The following CNTNAP5 variants were observed in gnomAD, a reference collection of about 807,000 sequenced individuals.
CNTNAP5 encodes contactin associated protein family member 5.
In CNTNAP5, 72 loss-of-function variants were observed where a neutral mutation model predicts 150.2. The observed-to-expected ratio is 0.48, with a 90% CI of 0.40 to 0.58. CNTNAP5 has a LOEUF of 0.58. Ranked by LOEUF, CNTNAP5 falls within the 20% of genes least tolerant of loss-of-function variation. The pLI is 0.00. For missense variants in CNTNAP5, 1,636 were observed against 1,626.2 expected (o/e 1.01, Z -0.10); for synonymous variants, 672 against 619.8 (o/e 1.08, Z -1.25).
chr2:124,825,314 A>T (rs11886397), intron 19 of CNTNAP5, among the ~76,000 whole-genome samples: 2 of 151,924 alleles, frequency 1.3e-5, no homozygotes, highest in African/African-American at 4.9e-5. Context: ...TTAGATTTTT[A>T]TCATCTCCAA....
intron 1 of CNTNAP5, among the ~76,000 whole-genome samples, chr2:124,114,148 C>T (rs1683370156): frequency 6.6e-6 from 1 of 151,946 alleles, no homozygotes. Context: ...AGCTTCTAAA[C>T]AAAATGTATT....
intron 10 of CNTNAP5, among the ~76,000 whole-genome samples, chr2:124,530,244 A>G (rs1240131492): frequency 1.3e-5 from 2 of 152,174 alleles, no homozygotes; most frequent in Non-Finnish European, 2.9e-5. Context: ...CAGGAGATGG[A>G]GGTTGCAATG....
Position 124,773,050 on chromosome 2 carries a change from A to C in CNTNAP5, c.2752+33A>C, listed in dbSNP as rs756168282. The C allele has an allele frequency of 3.8e-6, 6 of 1,562,198 alleles. No homozygotes were observed. In the Admixed American group the frequency reaches 5.0e-5, roughly 13 times the overall value. On this transcript the variant is annotated intron_variant, in intron 17 of 23. Transcript: ENST00000682447. ...ACATCTTAAGGCTCCTTTTGTGCTA[A>C]ACCCTGCAAGATCACTGTGTGACCA...
intron 13 of CNTNAP5, among the ~76,000 whole-genome samples, chr2:124,721,127 A>G (rs182161608): frequency 3.9e-5 from 6 of 152,260 alleles, no homozygotes; most frequent in Admixed American, 1.3e-4. Flanking sequence ...CACTAGATAC[A>G]GGGCAGATCT....
intron 1 of CNTNAP5, among the ~76,000 whole-genome samples, chr2:124,026,736 A>C (rs553553105): frequency 6.6e-6 from 1 of 152,350 alleles, no homozygotes; most frequent in South Asian, 2.1e-4. Context: ...CCTGTCATGA[A>C]GCTCAGAAAT....
chr2:124,866,889 T>G (rs1677643527), intron 20 of CNTNAP5, among the ~76,000 whole-genome samples: 1 of 152,188 alleles, frequency 6.6e-6, no homozygotes, highest in African/African-American at 2.4e-5. Flanking sequence ...TTGTCTTAAC[T>G]CTGAGCAGAT....
intron 21 of CNTNAP5, among the ~76,000 whole-genome samples, chr2:124,892,787 T>C (rs1002154526): frequency 2.6e-5 from 4 of 152,154 alleles, no homozygotes; most frequent in Non-Finnish European, 4.4e-5. Context: ...TGAAGCGGGC[T>C]GCAAAACACA....
intron 1 of CNTNAP5, among the ~76,000 whole-genome samples, chr2:124,119,209 C>T (rs1008581298): frequency 3.9e-5 from 6 of 152,148 alleles, no homozygotes; most frequent in Admixed American, 1.3e-4. Context: ...CTCATCGCGT[C>T]ACTGCTTCAT....
rs1382495482 is a variant in CNTNAP5 at position 124,603,919 on chromosome 2, CCCATCAAACTAACT to C, written c.1757-5879_1757-5866del. On this transcript the variant is annotated intron_variant, in intron 11 of 23. Transcript: ENST00000682447. ...CTATTATTTTTTATGCCCAAATTGT[CCCATCAAACTAACT>C]CCTGGGCTGTTTTGAGATAATTCCA... 1.3e-5 allele frequency among the ~76,000 whole-genome samples: 2 copies of C among 152,104 alleles called. 1 individual carries two copies. Among genetic ancestry groups the C allele is most frequent in the Non-Finnish European group, 2.9e-5 (2 of 68,024 alleles).
At chr2:124,272,467 C>A (rs1687783912) in intron 3 of CNTNAP5, among the ~76,000 whole-genome samples, 1 of 152,132 alleles carries the variant, frequency 6.6e-6, no homozygotes, top group Non-Finnish European at 1.5e-5. Context: ...GAGAACTTTG[C>A]AGAAACCATC....
chr2:124,033,064 G>A (rs1358269666), intron 1 of CNTNAP5, among the ~76,000 whole-genome samples: 2 of 152,172 alleles, frequency 1.3e-5, no homozygotes, highest in African/African-American at 2.4e-5. Flanking sequence ...GAAGTTGGGT[G>A]TGCTACGCTG....
chr2:124,120,057 A>C (rs1427302962), intron 1 of CNTNAP5, among the ~76,000 whole-genome samples: 1 of 152,118 alleles, frequency 6.6e-6, no homozygotes, highest in East Asian at 1.9e-4. Context: ...TCCCAAGATC[A>C]CTCTACTGTG....
At position 124,647,888 on chromosome 2, in the gene CNTNAP5, C is replaced by T. The variant is rs748132228; in HGVS notation, c.2007C>T (p.Ile669=). ...GCATGGAACAGCTGGAGGCCGTGAT[C>T]GACGGCTCTGAGCACTGTGAGCAGG... The part of the protein sequence containing the change: ...GGSMEQLEAV[I]DGSEHCEQEV... The change falls in exon 13 of 24, where the codon ATC becomes ATT. Residue 669 remains isoleucine (I), a synonymous_variant. Transcript: ENST00000682447. 4.7e-5 allele frequency: 75 copies of T among 1,611,980 alleles called. No individual in the cohort carries two copies. The highest frequency in any genetic ancestry group is 9.3e-5 in the African/African-American group (7 of 74,874).
chr2:124,615,302 T>C (rs901819436), intron 12 of CNTNAP5, among the ~76,000 whole-genome samples: 28 of 152,244 alleles, frequency 1.8e-4, no homozygotes, highest in African/African-American at 6.8e-4. Context: ...AAAATTGAAG[T>C]CAATCATTCC....
At chr2:124,846,771 A>T (rs1394789864) in intron 19 of CNTNAP5, among the ~76,000 whole-genome samples, 1 of 152,088 alleles carries the variant, frequency 6.6e-6, no homozygotes, top group African/African-American at 2.4e-5. Context: ...TTCTCCTTTG[A>T]TGGGGTGTTC....
intron 1 of CNTNAP5, among the ~76,000 whole-genome samples, chr2:124,217,946 G>A (rs1019732478): frequency 6.6e-6 from 1 of 152,076 alleles, no homozygotes. Context: ...CCAATCAAGA[G>A]AAGAAACAAA....
At chr2:124,792,934 G>C (rs1681767512) in intron 18 of CNTNAP5, among the ~76,000 whole-genome samples, 1 of 152,086 alleles carries the variant, frequency 6.6e-6, no homozygotes, top group Admixed American at 6.6e-5. Flanking sequence ...TTCATCCATT[G>C]GTCAGTTAAT....
intron 19 of CNTNAP5, among the ~76,000 whole-genome samples, chr2:124,851,600 T>C (rs999667143): frequency 6.6e-6 from 1 of 152,126 alleles, no homozygotes; most frequent in African/African-American, 2.4e-5. Context: ...TATTGACACG[T>C]CAGTAAATGT....
chr2:124,510,326 T>C (rs1478681797), intron 8 of CNTNAP5, among the ~76,000 whole-genome samples: 2 of 115,626 alleles, frequency 1.7e-5, no homozygotes, highest in Non-Finnish European at 3.5e-5. Flanking sequence ...TATATCTATC[T>C]ATATATATAT....
Sources: allele counts gnomAD v4.1 joint callset (sites outside exome capture counted in the v4.1 genomes callset), GRCh38; gene constraint gnomAD v4.1.1; transcripts MANE v1.5; gene names NCBI Gene and HGNC (gene_info 2026-07-23, HGNC 2026-07-21).